Variants in UBASH3B observed in about 807,000 individuals in gnomAD.
UBASH3B encodes ubiquitin associated and SH3 domain containing B.
In UBASH3B, 37 loss-of-function variants were observed where a neutral mutation model predicts 83.4. That is an observed-to-expected ratio of 0.44 (90% CI 0.34 to 0.58). UBASH3B has a LOEUF of 0.58. UBASH3B is among the 20% of genes least tolerant of loss of function. UBASH3B has a pLI of 0.01. For synonymous variants in UBASH3B, 304 were observed against 318.3 expected (o/e 0.96, Z 0.48); for missense variants, 657 against 827.2 (o/e 0.79, Z 2.52).
At chr11:122,746,821 G>T (rs989244807) in intron 1 of UBASH3B, among the ~76,000 whole-genome samples, 4 of 152,210 alleles carry the variant, frequency 2.6e-5, no homozygotes, top group Admixed American at 2.0e-4. Flanking sequence ...TCTCCAAAGA[G>T]CTTACAGTCC....
chr11:122,779,780 A>G, intron 4 of UBASH3B, 85 bp downstream of exon 4: 5 of 1,535,254 alleles, frequency 3.3e-6, no homozygotes, highest in Non-Finnish European at 4.5e-6. Flanking sequence ...GTGGTAGAGG[A>G]GCAGGATGGG....
intron 4 of UBASH3B, 193 bp from the exon 5 acceptor site, chr11:122,782,860 G>A: frequency 1.5e-6 from 1 of 652,034 alleles, no homozygotes; most frequent in South Asian, 2.0e-5. Flanking sequence ...CTTGAACAGT[G>A]GCTTGATTCG....
At chr11:122,679,379 G>A (rs1863710017) in intron 1 of UBASH3B, among the ~76,000 whole-genome samples, 1 of 152,240 alleles carries the variant, frequency 6.6e-6, no homozygotes, top group African/African-American at 2.4e-5. Context: ...AGGATGGTGA[G>A]CAAGTTCACG....
At chr11:122,786,118 CG>C (rs1224246830) in intron 5 of UBASH3B, among the ~76,000 whole-genome samples, 1 of 152,026 alleles carries the variant, frequency 6.6e-6, no homozygotes, top group African/African-American at 2.4e-5. Flanking sequence ...GGTGCAATCT[CG>C]GCTCACTGCA....
intron 4 of UBASH3B, chr11:122,782,815 G>A (rs1157536316): frequency 6.4e-6 from 3 of 468,004 alleles, no homozygotes; most frequent in East Asian, 3.7e-5. Flanking sequence ...CAGCTGACCC[G>A]CAGCTCCTAG....
intron 8 of UBASH3B, 47 bp from the exon 9 acceptor site, chr11:122,796,864 T>C: frequency 1.2e-6 from 2 of 1,613,760 alleles, no homozygotes; most frequent in Non-Finnish European, 8.5e-7. Flanking sequence ...GAGTCCCAAG[T>C]AAACAAGAAA....
chr11:122,760,087 A>T (rs1236837615), intron 1 of UBASH3B, among the ~76,000 whole-genome samples: 3 of 152,244 alleles, frequency 2.0e-5, no homozygotes, highest in Admixed American at 2.0e-4. Context: ...TTTAACACCT[A>T]CTATGTGCCA....
chr11:122,711,273 C>T (rs1864187312), intron 1 of UBASH3B, among the ~76,000 whole-genome samples: 2 of 152,358 alleles, frequency 1.3e-5, no homozygotes, highest in African/African-American at 2.4e-5. Context: ...CCTGTCCAAA[C>T]CTTGGAATTC....
At chr11:122,735,134 A>G (rs759799679) in intron 1 of UBASH3B, among the ~76,000 whole-genome samples, 1 of 152,214 alleles carries the variant, frequency 6.6e-6, no homozygotes, top group Non-Finnish European at 1.5e-5. Context: ...GGTTGAGTAG[A>G]GAAGAACTGC....
At chr11:122,657,295 A>G (rs1863377371) in intron 1 of UBASH3B, among the ~76,000 whole-genome samples, 1 of 150,482 alleles carries the variant, frequency 6.6e-6, no homozygotes, top group African/African-American at 2.4e-5. Flanking sequence ...TGATAACTTT[A>G]TTTATGTATT....
intron 1 of UBASH3B, among the ~76,000 whole-genome samples, chr11:122,705,452 C>T (rs1033066195): frequency 1.0e-5 from 1 of 98,806 alleles, no homozygotes; most frequent in African/African-American, 3.8e-5. Flanking sequence ...TCTCGAAAAA[C>T]ATAAAAAAAA....
At chr11:122,668,180 G>T (rs951150766) in intron 1 of UBASH3B, among the ~76,000 whole-genome samples, 1 of 152,014 alleles carries the variant, frequency 6.6e-6, no homozygotes, top group Non-Finnish European at 1.5e-5. Context: ...TAGAGTTGGG[G>T]TTTCACTATG....
chr11:122,678,130 A>T (rs1463238274), intron 1 of UBASH3B, among the ~76,000 whole-genome samples: 2 of 152,190 alleles, frequency 1.3e-5, no homozygotes, highest in Non-Finnish European at 2.9e-5. Flanking sequence ...TCTAACCCTA[A>T]TTACCTCCCA....
intron 1 of UBASH3B, among the ~76,000 whole-genome samples, chr11:122,701,019 G>T (rs1383274822): frequency 6.6e-6 from 1 of 152,148 alleles, no homozygotes; most frequent in African/African-American, 2.4e-5. Flanking sequence ...AAGAACATTA[G>T]TGTTATGGGG....
intron 13 of UBASH3B, 111 bp from the exon 14 acceptor site, chr11:122,809,638 C>A: frequency 8.9e-7 from 1 of 1,119,938 alleles, no homozygotes; most frequent in Non-Finnish European, 1.3e-6. Context: ...AGCCACTATC[C>A]ATTTCTGACT....
chr11:122,778,843 G>C (rs1860791295), intron 3 of UBASH3B, among the ~76,000 whole-genome samples: 1 of 152,106 alleles, frequency 6.6e-6, no homozygotes, highest in African/African-American at 2.4e-5. Flanking sequence ...GTCCTCAAGT[G>C]ATCTGCCCGC....
chr11:122,802,009 T>A (rs1246554620), intron 11 of UBASH3B, among the ~76,000 whole-genome samples: 1 of 152,204 alleles, frequency 6.6e-6, no homozygotes, highest in African/African-American at 2.4e-5. Flanking sequence ...ATAATCTGCA[T>A]GTATACAATT....
intron 1 of UBASH3B, among the ~76,000 whole-genome samples, chr11:122,692,629 C>A (rs1212741117): frequency 1.3e-5 from 2 of 152,180 alleles, no homozygotes; most frequent in Non-Finnish European, 2.9e-5. Context: ...GCCGAGGGCA[C>A]GCTGGTCAAA....
At chr11:122,723,746 T>A (rs2135946084) in intron 1 of UBASH3B, among the ~76,000 whole-genome samples, 1 of 152,346 alleles carries the variant, frequency 6.6e-6, no homozygotes, top group Non-Finnish European at 1.5e-5. Context: ...AAACCTTTCC[T>A]GTTTCCATGT....
Sources: gnomAD v4.1 joint callset for allele counts (sites outside exome capture counted in the v4.1 genomes callset) on GRCh38, gnomAD v4.1.1 for gene constraint, MANE v1.5 for transcripts, NCBI Gene and HGNC (gene_info 2026-07-23, HGNC 2026-07-21) for gene names.